Variants in MSH3 observed in about 807,000 individuals in gnomAD.
The protein encoded by MSH3 is DNA mismatch repair protein Msh3.
MSH3 carries 106 observed loss-of-function variants against 123.3 expected under a neutral mutation model. The ratio of observed to expected loss-of-function variants is 0.86; its 90% CI spans 0.73 to 1.01. The LOEUF (loss-of-function observed/expected upper bound fraction) is 1.01. MSH3 is among the 50% of genes least tolerant of loss of function. MSH3 has a pLI of 0.00. For synonymous variants in MSH3, 515 were observed against 481.4 expected, an observed-to-expected ratio of 1.07 and a Z score of -0.91; for missense variants, 1,459 against 1,347.6, an observed-to-expected ratio of 1.08 and a Z score of -1.29.
At chr5:80,751,149 A>G (rs1373536746) in intron 12 of MSH3, among the ~76,000 whole-genome samples, 1 of 152,196 alleles carries the variant, frequency 6.6e-6, no homozygotes, top group African/African-American at 2.4e-5. Flanking sequence ...AAATAAACTC[A>G]TACTAACTTG....
Position 80,746,601 on chromosome 5 carries a change from G to A in MSH3, c.1763+1986G>A, listed in dbSNP as rs138186035. 660 of 368,952 alleles carry A rather than the reference G, an allele frequency of 1.8e-3. 3 individuals are homozygous for A. Among genetic ancestry groups the A allele is most frequent in the Non-Finnish European group, 2.3e-3 (425 of 186,786 alleles). The allele number at this position is 368,952 out of a possible 1,614,324, so 22.9% of individuals were successfully genotyped here. The stretch of plus-strand genomic sequence containing the variant: ...TCTCCTCTGTTCGTTTTCTTTGTTC[G>A]CATCATCCTCGGGAGGAGGACGGCC... On this transcript the variant is annotated intron_variant, in intron 12 of 23. Transcript: ENST00000265081.
intron 10 of MSH3, among the ~76,000 whole-genome samples, chr5:80,740,840 G>A (rs755874652): frequency 1.3e-5 from 2 of 151,084 alleles, no homozygotes; most frequent in African/African-American, 4.9e-5. Flanking sequence ...TCAGCCTCCC[G>A]AGTACCTGGG....
At chr5:80,723,812 G>A (rs1464834672) in intron 8 of MSH3, among the ~76,000 whole-genome samples, 3 of 151,950 alleles carry the variant, frequency 2.0e-5, no homozygotes, top group Non-Finnish European at 4.4e-5. Flanking sequence ...GCTCAGGCTG[G>A]AGTGCAGTGG....
chr5:80,846,808 G>T (rs979317180), intron 20 of MSH3, among the ~76,000 whole-genome samples: 1 of 152,186 alleles, frequency 6.6e-6, no homozygotes, highest in African/African-American at 2.4e-5. Context: ...TGTTTCTTCA[G>T]GTACAGTCTC....
At chr5:80,815,964 C>G (rs1745096469) in intron 20 of MSH3, among the ~76,000 whole-genome samples, 1 of 152,296 alleles carries the variant, frequency 6.6e-6, no homozygotes, top group Non-Finnish European at 1.5e-5. Context: ...TATCAAGGTA[C>G]AGGCACTGTT....
At chr5:80,782,781 A>G (rs930478850) in intron 17 of MSH3, among the ~76,000 whole-genome samples, 7 of 152,208 alleles carry the variant, frequency 4.6e-5, no homozygotes, top group African/African-American at 1.7e-4. Context: ...TGGTGTGACT[A>G]TGATATCATT....
chr5:80,738,911 T>G (rs569420886), intron 10 of MSH3, among the ~76,000 whole-genome samples: 2 of 152,342 alleles, frequency 1.3e-5, no homozygotes, highest in African/African-American at 4.8e-5. Flanking sequence ...AGGAACTGTT[T>G]GTCCCTCCTC....
At chr5:80,849,999 A>G (rs1745802503) in intron 20 of MSH3, among the ~76,000 whole-genome samples, 1 of 152,008 alleles carries the variant, frequency 6.6e-6, no homozygotes, top group African/African-American at 2.4e-5. Context: ...CTCTTGAATT[A>G]TTTTCTGCTT....
intron 12 of MSH3, among the ~76,000 whole-genome samples, chr5:80,747,257 C>T (rs32958): frequency 0.87 from 133,103 of 152,158 alleles, 58,357 homozygotes; most frequent in East Asian, 1. Context: ...AATTAAAATT[C>T]TTCATTTCCA....
At chr5:80,748,393 T>C (rs1039491327) in intron 12 of MSH3, among the ~76,000 whole-genome samples, 6 of 152,194 alleles carry the variant, frequency 3.9e-5, no homozygotes, top group Admixed American at 1.3e-4. Context: ...ACTTTACTTA[T>C]TGACTGATTC....
In MSH3 at chr5:80,729,363, C is replaced by T. The variant is rs567607006; in HGVS notation, c.1568+398C>T. ...CCAGGGAGGTGGAGCCTGCAGTCAG[C>T]CCAGATCCCACCACTGCACTCCAGC... On this transcript the variant is annotated intron_variant, in intron 10 of 23. Coordinates refer to ENST00000265081, the MANE Select transcript of MSH3 (RefSeq NM_002439.5). Among the ~76,000 whole-genome samples, 6 of 146,552 alleles carry T rather than the reference C, an allele frequency of 4.1e-5. No homozygotes were observed. In the South Asian group the frequency reaches 1.3e-3, roughly 32 times the overall value.
At chr5:80,770,122 G>A (rs1446470235) in intron 15 of MSH3, among the ~76,000 whole-genome samples, 1 of 152,074 alleles carries the variant, frequency 6.6e-6, no homozygotes, top group Non-Finnish European at 1.5e-5. Flanking sequence ...TGTAACTCTT[G>A]TTTTTGCTAT....
intron 20 of MSH3, among the ~76,000 whole-genome samples, chr5:80,825,831 A>T (rs1745288967): frequency 6.6e-6 from 1 of 152,148 alleles, no homozygotes; most frequent in Non-Finnish European, 1.5e-5. Flanking sequence ...CATCTGGTAA[A>T]TTATTTTTTT....
chr5:80,837,379 G>A (rs1401558380), intron 20 of MSH3, among the ~76,000 whole-genome samples: 1 of 152,088 alleles, frequency 6.6e-6, no homozygotes, highest in Admixed American at 6.5e-5. Flanking sequence ...ACAAGTTCGA[G>A]ACCAGCCTAG....
chr5:80,709,348 G>A (rs902786236), intron 8 of MSH3, among the ~76,000 whole-genome samples: 2 of 151,984 alleles, frequency 1.3e-5, no homozygotes, highest in Admixed American at 6.6e-5. Context: ...GGCCGGGTGC[G>A]GTGGTGGCTT....
intron 17 of MSH3, among the ~76,000 whole-genome samples, chr5:80,785,760 G>T (rs1744494976): frequency 6.6e-6 from 1 of 152,112 alleles, no homozygotes; most frequent in Non-Finnish European, 1.5e-5. Flanking sequence ...AAGAATGATA[G>T]ACTGGATTAA....
At position 80,840,544 on chromosome 5, in the gene MSH3, G is replaced by C. The variant is rs539301528; in HGVS notation, c.2814-13586G>C. Among the ~76,000 whole-genome samples, 26 of 152,198 alleles carry C rather than the reference G, an allele frequency of 1.7e-4. No homozygotes were observed. The South Asian group carries it at 4.4e-3, about 26-fold the overall frequency. ...TTCTCGTGCCTCAACCTCCCGAGTAGCTGGGATTATAGGCACTTGCCACCA... is the reference window on the plus strand; with the variant it reads ...TTCTCGTGCCTCAACCTCCCGAGTACCTGGGATTATAGGCACTTGCCACCA... On this transcript the variant is annotated intron_variant, in intron 20 of 23. Transcript: ENST00000265081.
At chr5:80,713,832 A>T (rs373738370) in intron 8 of MSH3, among the ~76,000 whole-genome samples, 1 of 152,172 alleles carries the variant, frequency 6.6e-6, no homozygotes, top group East Asian at 1.9e-4. Flanking sequence ...CACCCCAGGA[A>T]ACCTGTTGAA....
At chr5:80,825,608 G>A (rs1430127802) in intron 20 of MSH3, among the ~76,000 whole-genome samples, 1 of 152,020 alleles carries the variant, frequency 6.6e-6, no homozygotes, top group Non-Finnish European at 1.5e-5. Flanking sequence ...TCTAGGAGTG[G>A]AGTTGTTGGA....
Sources: gnomAD v4.1 joint callset for allele counts (sites outside exome capture counted in the v4.1 genomes callset) on GRCh38, gnomAD v4.1.1 for gene constraint, MANE v1.5 for transcripts, NCBI Gene and HGNC (gene_info 2026-07-23, HGNC 2026-07-21) for gene names.